Variants in COL4A4 observed in about 807,000 individuals in gnomAD.
The protein encoded by COL4A4 is collagen alpha-4(IV) chain.
Under a neutral mutation model 192.9 loss-of-function variants are expected in COL4A4, and 105 were observed. The observed-to-expected ratio is 0.54, with a 90% CI of 0.46 to 0.64. The LOEUF is 0.64. Ranked by LOEUF, COL4A4 falls within the 30% of genes least tolerant of loss-of-function variation. COL4A4 has a pLI of 0.00. For synonymous variants in COL4A4, 762 were observed against 769.9 expected (o/e 0.99, Z 0.17); for missense variants, 1,967 against 2,169.3 (o/e 0.91, Z 1.85).
Position 227,012,518 on chromosome 2 carries a change from CTTAA to C in COL4A4, c.4217-225_4217-222del, listed in dbSNP as rs1363554711. Among the ~76,000 whole-genome samples the C allele has an allele frequency of 2.0e-5, 3 of 150,686 alleles. No homozygotes were observed. The Admixed American group carries it at 2.0e-4, about 10-fold the overall frequency. On this transcript the variant is annotated intron_variant, in intron 44 of 47. Coordinates refer to ENST00000396625, the MANE Select transcript of COL4A4 (RefSeq NM_000092.5). ...GGGCCCCGAGAGGTCAAATAATTTG[CTTAA>C]TTAAAGTCAGTGATCCCATAAAGGG...
chr2:227,128,093 AT>A (rs1379131459), intron 4 of COL4A4, among the ~76,000 whole-genome samples: 1 of 152,106 alleles, frequency 6.6e-6, no homozygotes, highest in East Asian at 1.9e-4. Context: ...GTAGGCTATG[AT>A]CCCCATATAG....
chr2:227,087,437 C>T (rs778289994), intron 22 of COL4A4, among the ~76,000 whole-genome samples: 4 of 152,190 alleles, frequency 2.6e-5, no homozygotes, highest in Non-Finnish European at 4.4e-5. Flanking sequence ...CTCCTTCCAT[C>T]GCCTTCCCAT....
chr2:226,978,683 A>T, the COL4A4 span, among the ~76,000 whole-genome samples: 37 of 152,262 alleles, frequency 2.4e-4, no homozygotes, highest in African/African-American at 8.4e-4. Context: ...ACGCTGTCAA[A>T]ATGATTAGAT....
In COL4A4 at chr2:227,005,268, TTAAAA is replaced by T. The variant is rs1264538722; in HGVS notation, c.*2052_*2056del. 2 of 152,126 alleles carry T rather than the reference TTAAAA, an allele frequency of 1.3e-5. No individual in the cohort carries two copies. The highest frequency in any genetic ancestry group is 2.9e-5 in the Non-Finnish European group (2 of 68,024). The allele number at this position is 152,126 out of a possible 1,614,324, so 9.4% of individuals were successfully genotyped here. ...TATTCTAATACCAACATTAAAGTGT[TTAAAA>T]TAATTAGCAAGCAAGATACGTTTCT... On this transcript the variant is annotated 3_prime_UTR_variant, in exon 48 of 48. Transcript: ENST00000396625.
chr2:227,103,297 T>TA, intron 13 of COL4A4, 100 bp from the exon 14 acceptor site: 1 of 953,996 alleles, frequency 1.0e-6, no homozygotes, highest in Non-Finnish European at 1.6e-6. Context: ...CTGTTTCACC[T>TA]TAAAAAAAAA....
At chr2:227,101,433 T>C in intron 17 of COL4A4, 71 bp downstream of exon 17, 2 of 1,242,994 alleles carry the variant, frequency 1.6e-6, no homozygotes, top group Non-Finnish European at 2.2e-6. Flanking sequence ...GCAATACTTC[T>C]AAAAATAAAT....
chr2:227,098,722 G>A lies in COL4A4; in HGVS notation c.1176C>T (p.Leu392=), dbSNP rs759536932. The change falls in exon 19 of 48, where the codon CTC becomes CTT. Residue 392 remains leucine, a synonymous_variant. Transcript: ENST00000396625. ...GDVGPPGPPG[L]LGRPGEACAG... is the part of the protein sequence containing the mutation. The stretch of plus-strand genomic sequence containing the variant: ...CACAGGCTTCCCCTGGTCTGCCCAA[G>A]AGACCTGGGGGACCAGGTGGTCCAA... 27 of 1,613,996 alleles carry A rather than the reference G, an allele frequency of 1.7e-5. 1 individual carries two copies. The South Asian group carries it at 3.0e-4, about 18-fold the overall frequency.
rs564334744 is a variant in COL4A4 at position 227,088,723 on chromosome 2, C to A, written c.1553G>T (p.Gly518Val). The part of the protein sequence containing the change: ...PGRQGSKGDL[G>V]LPGWLGTKGD... ...TTTTGTTCCAAGCCAGCCAGGGAGC[C>A]CCAAGTCTCCCTTACTCCCCTGCCT... is the stretch of plus-strand genomic sequence containing the variant. The change falls in exon 22 of 48, where the codon GGG becomes GTG. Residue 518 changes from glycine to valine, a missense_variant. Physicochemically the swap from Gly to Val is moderately radical, Grantham distance 109. Coordinates refer to ENST00000396625, the MANE Select transcript of COL4A4 (RefSeq NM_000092.5). 1 of 1,614,102 alleles carries A rather than the reference C, an allele frequency of 6.2e-7. No homozygotes were observed. Among genetic ancestry groups the A allele is most frequent in the East Asian group, 2.2e-5 (1 of 44,878 alleles).
chr2:227,107,321 C>T (rs2060906648), intron 12 of COL4A4, among the ~76,000 whole-genome samples: 1 of 152,100 alleles, frequency 6.6e-6, no homozygotes, highest in African/African-American at 2.4e-5. Context: ...GGCTAAACAT[C>T]CTGTAATTCA....
rs546411900 is a variant in COL4A4 at position 227,115,046 on chromosome 2, GTA to G, written c.490-352_490-351del. Reference sequence around the variant, plus strand: ...ATTTATGCCCTAGAAACAGTAAAACGTATATATATATATAGAGAGAGAGATTT... The same window carrying G: ...ATTTATGCCCTAGAAACAGTAAAACGTATATATATATAGAGAGAGAGATTT... On this transcript the variant is annotated intron_variant, in intron 7 of 47. Transcript: ENST00000396625. 1.2e-4 allele frequency among the ~76,000 whole-genome samples: 18 copies of G among 149,872 alleles called. No homozygotes were observed. The East Asian group carries it at 2.1e-3, about 18-fold the overall frequency.
chr2:227,059,560 G>T lies in COL4A4; in HGVS notation c.2228C>A (p.Pro743His). 2 of 1,614,042 alleles carry T rather than the reference G, an allele frequency of 1.2e-6. No individual in the cohort carries two copies. Among genetic ancestry groups the T allele is most frequent in the Non-Finnish European group, 8.5e-7 (1 of 1,180,000 alleles). Residue 743 changes from proline to histidine, a missense_variant, in exon 28 of 48, where the codon CCC becomes CAC. By Grantham distance (77) the Pro-to-His change is moderately conservative (BLOSUM62 -2). Coordinates refer to ENST00000396625, the MANE Select transcript of COL4A4 (RefSeq NM_000092.5). ...TCCTGGTGAGCCGGGAGGGCCTGGG[G>T]GCCCAACAGGGGAGGACCCCTTTTC... is the stretch of plus-strand genomic sequence containing the variant. The part of the protein sequence containing the change: ...GGEKGSSPVG[P>H]PGPPGSPGVN...
intron 38 of COL4A4, among the ~76,000 whole-genome samples, chr2:227,032,906 A>G (rs754931442): frequency 2.6e-5 from 4 of 152,242 alleles, no homozygotes; most frequent in Non-Finnish European, 5.9e-5. Context: ...ACAAATGTGC[A>G]TTATACTAAC....
intron 23 of COL4A4, 77 bp from the exon 24 acceptor site, chr2:227,080,626 G>A: frequency 6.3e-6 from 8 of 1,271,782 alleles, no homozygotes; most frequent in Non-Finnish European, 9.1e-6. Context: ...AAAAAATAAA[G>A]AAAATGACCT....
chr2:227,072,310 G>T (rs2058768317), intron 25 of COL4A4, among the ~76,000 whole-genome samples: 1 of 151,786 alleles, frequency 6.6e-6, no homozygotes, highest in Non-Finnish European at 1.5e-5. Context: ...AGAGGAAATG[G>T]ACAAATTCCT....
chr2:227,016,942 C>A (rs995900876), intron 44 of COL4A4, among the ~76,000 whole-genome samples: 1 of 152,140 alleles, frequency 6.6e-6, no homozygotes, highest in Non-Finnish European at 1.5e-5. Context: ...TGGGCAGAAA[C>A]CTCTCCCCGG....
intron 44 of COL4A4, among the ~76,000 whole-genome samples, chr2:227,015,474 G>T (rs1575758924): frequency 1.3e-5 from 2 of 152,232 alleles, no homozygotes; most frequent in East Asian, 3.9e-4. Flanking sequence ...GATTCTGATG[G>T]TTCATGAAGC....
intron 4 of COL4A4, among the ~76,000 whole-genome samples, chr2:227,132,583 C>T (rs2062549882): frequency 6.6e-6 from 1 of 152,138 alleles, no homozygotes; most frequent in South Asian, 2.1e-4. Flanking sequence ...CAAGACCAGC[C>T]TAGTCAACAT....
chr2:227,002,308 G>A (rs1961193230), downstream of COL4A4, among the ~76,000 whole-genome samples: 2 of 151,270 alleles, frequency 1.3e-5, no homozygotes, highest in South Asian at 4.2e-4. Flanking sequence ...GTGGTTAAAA[G>A]TAACAATATC....
chr2:227,018,200 C>T (rs1189344465), intron 44 of COL4A4, among the ~76,000 whole-genome samples: 2 of 152,308 alleles, frequency 1.3e-5, no homozygotes, highest in Non-Finnish European at 2.9e-5. Context: ...GAATTAACCT[C>T]TCCCAGTACC....
Sources: allele counts gnomAD v4.1 joint callset (sites outside exome capture counted in the v4.1 genomes callset), GRCh38; gene constraint gnomAD v4.1.1; transcripts MANE v1.5; gene names NCBI Gene and HGNC (gene_info 2026-07-23, HGNC 2026-07-21).